Variants in PTCHD1 observed in about 807,000 individuals in gnomAD.
PTCHD1 encodes the protein patched domain-containing protein 1.
PTCHD1 carries 3 observed loss-of-function variants against 34.6 expected under a neutral mutation model. The ratio of observed to expected loss-of-function variants is 0.09; its 90% CI spans 0.04 to 0.22. PTCHD1 has a LOEUF of 0.22. Among genes scored for constraint, PTCHD1 ranks in the 10% least tolerant of loss-of-function variants. PTCHD1 has a pLI of 1.00. For synonymous variants in PTCHD1, 305 were observed against 283.1 expected (o/e 1.08, Z -0.77); for missense variants, 504 against 685.5 (o/e 0.74, Z 2.96).
At position 23,381,033 on chromosome X, in the gene PTCHD1, C is replaced by T. The variant is rs189330773; in HGVS notation, c.1012+782C>T. The stretch of plus-strand genomic sequence containing the variant: ...CGCCTGCTACTCTCAGTTTCCCCAC[C>T]TTATGAATAGAGTGGATGTGAGCAT... On this transcript the variant is annotated intron_variant, in intron 2 of 2. Coordinates refer to ENST00000379361, the MANE Select transcript of PTCHD1 (RefSeq NM_173495.3). Among the ~76,000 whole-genome samples the T allele has an allele frequency of 9.4e-3, 1,055 of 112,157 alleles. 6 individuals are homozygous for T. The highest frequency in any genetic ancestry group is 0.014 in the Non-Finnish European group (764 of 53,184).
At chrX:23,366,454 C>T (rs1922142233) in intron 1 of PTCHD1, among the ~76,000 whole-genome samples, 1 of 112,074 alleles carries the variant, frequency 8.9e-6, no homozygotes, top group Non-Finnish European at 1.9e-5. Flanking sequence ...GCCTGAATTA[C>T]TTCCATTTCC....
intron 1 of PTCHD1, among the ~76,000 whole-genome samples, chrX:23,354,658 C>T (rs1402726068): frequency 9.4e-6 from 1 of 106,252 alleles, no homozygotes; most frequent in Non-Finnish European, 1.9e-5. Flanking sequence ...CTGCAACCTC[C>T]GCCTCCCAGG....
intron 1 of PTCHD1, among the ~76,000 whole-genome samples, chrX:23,351,621 G>GA (rs1025331206): frequency 7.2e-5 from 8 of 111,544 alleles, no homozygotes; most frequent in South Asian, 7.5e-4. Context: ...ATTGAAAATG[G>GA]AAAAAAAATG....
rs770931533 is a variant in PTCHD1, at chrX:23,367,173, C to T, written c.352-12418C>T. ...ATGTTCTTTATCTCTCCAGGGCTTA[C>T]GTAATGCCCAGTATGGTGTAGTCCC... On this transcript the variant is annotated intron_variant, in intron 1 of 2. Transcript: ENST00000379361. 5.4e-5 allele frequency among the ~76,000 whole-genome samples: 6 copies of T among 112,126 alleles called. No homozygotes were observed. In the East Asian group the frequency reaches 8.4e-4, roughly 16 times the overall value.
At chrX:23,382,250 T>C (rs1384112049) in intron 2 of PTCHD1, among the ~76,000 whole-genome samples, 1 of 112,398 alleles carries the variant, frequency 8.9e-6, no homozygotes, top group Non-Finnish European at 1.9e-5. Flanking sequence ...TAAAATAAAA[T>C]TATAATATTT....
intron 1 of PTCHD1, among the ~76,000 whole-genome samples, chrX:23,369,626 A>T (rs1364242748): frequency 8.9e-6 from 1 of 112,019 alleles, no homozygotes; most frequent in East Asian, 2.8e-4. Context: ...GATAGATTGT[A>T]GCATTCTTTG....
At chrX:23,367,954 C>T (rs1922189771) in intron 1 of PTCHD1, among the ~76,000 whole-genome samples, 1 of 110,302 alleles carries the variant, frequency 9.1e-6, no homozygotes, top group Admixed American at 9.7e-5. Context: ...GCCTATTGTT[C>T]CTGTGAAATT....
Position 23,379,572 on chromosome X carries a change from T to A in PTCHD1, c.352-19T>A, listed in dbSNP as rs372915913. ...AGAAATATTTGATTAATAAATGCTG[T>A]CATTTTTTTCCCCCACAGTTGCATG... On this transcript the variant is annotated intron_variant, in intron 1 of 2. Coordinates refer to ENST00000379361, the MANE Select transcript of PTCHD1 (RefSeq NM_173495.3). 4 of 1,206,266 alleles carry A rather than the reference T, an allele frequency of 3.3e-6. No homozygotes were observed. The highest frequency in any genetic ancestry group is 1.8e-5 in the African/African-American group (1 of 57,103).
At chrX:23,340,570 C>T (rs1921280283) in intron 1 of PTCHD1, among the ~76,000 whole-genome samples, 1 of 112,413 alleles carries the variant, frequency 8.9e-6, no homozygotes, top group Admixed American at 9.4e-5. Context: ...TGAGCAGCGA[C>T]CTGAGGAGGC....
At chrX:23,380,897 C>T (rs1184706416) in intron 2 of PTCHD1, among the ~76,000 whole-genome samples, 1 of 111,286 alleles carries the variant, frequency 9.0e-6, no homozygotes, top group African/African-American at 3.3e-5. Context: ...GGAGGTGCTC[C>T]TGCAGCACAC....
chrX:23,373,827 G>C (rs1041516286), intron 1 of PTCHD1, among the ~76,000 whole-genome samples: 10 of 112,126 alleles, frequency 8.9e-5, no homozygotes, highest in African/African-American at 3.2e-4. Flanking sequence ...AAGACATGTA[G>C]TTTGGAGGGA....
chrX:23,336,542 A>G (rs1176627024), intron 1 of PTCHD1, among the ~76,000 whole-genome samples: 1 of 111,800 alleles, frequency 8.9e-6, no homozygotes, highest in African/African-American at 3.3e-5. Flanking sequence ...TTATTTTCCT[A>G]TGTCCGTTTG....
rs1923044827 is a variant in PTCHD1 at position 23,398,444 on chromosome X, A to C, written c.*4259A>C. 1 of 111,295 alleles carries C rather than the reference A, an allele frequency of 9.0e-6. No homozygotes were observed. The highest frequency in any genetic ancestry group is 1.9e-5 in the Non-Finnish European group (1 of 53,080). The allele number at this position is 111,295 out of a possible 1,213,427, so 9.2% of individuals were successfully genotyped here. A position where few individuals can be genotyped will look rare whatever the true frequency, so the allele number is the denominator to read the frequency against. Reference sequence around the variant, plus strand: ...GGCATCATACTATGATCTTTGAAAAAAACAGATACAGGCACTTGCTTTTGG... The same window carrying C: ...GGCATCATACTATGATCTTTGAAAACAACAGATACAGGCACTTGCTTTTGG... On this transcript the variant is annotated 3_prime_UTR_variant, in exon 3 of 3. Coordinates refer to ENST00000379361, the MANE Select transcript of PTCHD1 (RefSeq NM_173495.3).
intron 1 of PTCHD1, among the ~76,000 whole-genome samples, chrX:23,336,918 C>T (rs370780317): frequency 1.8e-5 from 2 of 111,422 alleles, no homozygotes; most frequent in East Asian, 5.7e-4. Context: ...TGATGATCTA[C>T]TAAATGATAT....
chrX:23,376,660 G>A (rs1221374161), intron 1 of PTCHD1, among the ~76,000 whole-genome samples: 2 of 112,198 alleles, frequency 1.8e-5, no homozygotes, highest in Admixed American at 1.9e-4. Context: ...CACTGCAGAA[G>A]TCACAGAAGG....
At chrX:23,371,782 A>G (rs985067358) in intron 1 of PTCHD1, among the ~76,000 whole-genome samples, 1 of 111,224 alleles carries the variant, frequency 9.0e-6, no homozygotes, top group Admixed American at 9.6e-5. Context: ...TTATGTTTGG[A>G]AGCTGTAAGA....
In PTCHD1 at chrX:23,403,734, A is replaced by G. The variant is rs1923175786; in HGVS notation, c.*9549A>G. ...ATATAAACAGAAATGTTTTATCTGAAGAGGCTGTGTATGCCACCCCAGACC... is the reference window on the plus strand; with the variant it reads ...ATATAAACAGAAATGTTTTATCTGAGGAGGCTGTGTATGCCACCCCAGACC... On this transcript the variant is annotated 3_prime_UTR_variant, in exon 3 of 3. Transcript: ENST00000379361. 9.0e-6 allele frequency: 1 copy of G among 111,643 alleles called. No homozygotes were observed. Among genetic ancestry groups the G allele is most frequent in the South Asian group, 3.8e-4 (1 of 2,627 alleles). The allele number at this position is 111,643 out of a possible 1,213,427, so 9.2% of individuals were successfully genotyped here.
chrX:23,357,073 G>C (rs911765467), intron 1 of PTCHD1, among the ~76,000 whole-genome samples: 5 of 112,173 alleles, frequency 4.5e-5, no homozygotes. Context: ...AAGTCTGTAT[G>C]ACTGAAGTGT....
intron 1 of PTCHD1, among the ~76,000 whole-genome samples, chrX:23,375,147 T>C (rs1327816721): frequency 8.9e-6 from 1 of 112,213 alleles, no homozygotes; most frequent in Non-Finnish European, 1.9e-5. Context: ...TGCCATGTAA[T>C]GTTGCTGCTG....
Sources: gnomAD v4.1 joint callset for allele counts (sites outside exome capture counted in the v4.1 genomes callset) on GRCh38, gnomAD v4.1.1 for gene constraint, MANE v1.5 for transcripts, NCBI Gene and HGNC (gene_info 2026-07-23, HGNC 2026-07-21) for gene names.